Variants in POLE2 observed in about 807,000 individuals in gnomAD.
POLE2 encodes DNA polymerase epsilon 2, accessory subunit.
A neutral mutation model predicts 79.4 loss-of-function variants in POLE2; 56 were observed. The ratio of observed to expected loss-of-function variants is 0.71; its 90% CI spans 0.57 to 0.88. The LOEUF is 0.88. Ranked by LOEUF, POLE2 falls within the 40% of genes least tolerant of loss-of-function variation. The probability of loss-of-function intolerance (pLI) is 0.00; values close to 1 mark genes in which losing one functional copy is unlikely to be tolerated. For missense variants in POLE2, 598 were observed against 638.9 expected (o/e 0.94, Z 0.69); for synonymous variants, 212 against 214.0 (o/e 0.99, Z 0.08).
At chr14:49,671,618 GAAA>G (rs71115391) in intron 5 of POLE2, among the ~76,000 whole-genome samples, 3 of 58,700 alleles carry the variant, frequency 5.1e-5, no homozygotes. Context: ...CTCTGCCTCA[GAAA>G]AAAAAAAAAA....
chr14:49,668,029 TG>T (rs1347306648), intron 6 of POLE2, among the ~76,000 whole-genome samples: 1 of 152,160 alleles, frequency 6.6e-6, no homozygotes, highest in Non-Finnish European at 1.5e-5. Context: ...CCCAGCACTT[TG>T]GGAGGCTGAG....
intron 8 of POLE2, 40 bp from the exon 9 acceptor site, chr14:49,664,714 AG>A (rs779226966): frequency 4.0e-6 from 5 of 1,262,360 alleles, no homozygotes; most frequent in Non-Finnish European, 5.8e-6. Context: ...TTCTTGAGGC[AG>A]TAATAAAGTC....
intron 7 of POLE2, among the ~76,000 whole-genome samples, chr14:49,665,713 T>C (rs553212658): frequency 2.0e-5 from 3 of 151,844 alleles, no homozygotes; most frequent in Admixed American, 1.3e-4. Flanking sequence ...CAAAAGTTTA[T>C]TTAACAAAAA....
Position 49,674,443 on chromosome 14 carries a change from C to CA in POLE2, c.246-17dup, listed in dbSNP as rs1237572182. ...AACGTGCTCTCTGAAAAACATCCCA[C>CA]AAAATACAGACCTGATTTACTAAAA... On this transcript the variant is annotated splice_polypyrimidine_tract_variant and intron_variant, in intron 3 of 18. Coordinates refer to ENST00000216367, the MANE Select transcript of POLE2 (RefSeq NM_002692.4). 6.6e-7 allele frequency: 1 copy of CA among 1,520,194 alleles called. No homozygotes were observed. The highest frequency in any genetic ancestry group is 9.1e-7 in the Non-Finnish European group (1 of 1,097,272). 94.2% of individuals were successfully genotyped at this position (1,520,194 alleles called of 1,614,324 possible). A position where few individuals can be genotyped will look rare whatever the true frequency, so the allele number is the denominator to read the frequency against.
At position 49,678,488 on chromosome 14, in the gene POLE2, T is replaced by A. The variant is rs1479082281; in HGVS notation, c.245+1237A>T. 3.3e-5 allele frequency among the ~76,000 whole-genome samples: 5 copies of A among 152,128 alleles called. No individual in the cohort carries two copies. In the East Asian group the frequency reaches 9.7e-4, roughly 29 times the overall value. On this transcript the variant is annotated intron_variant, in intron 3 of 18. Coordinates refer to ENST00000216367, the MANE Select transcript of POLE2 (RefSeq NM_002692.4). ...GCAAGAGAATGTATAAACAGAAGAA[T>A]AAAGTGAATGCAGATTGGTGTGGGG...
At chr14:49,664,482 T>C in intron 9 of POLE2, 144 bp downstream of exon 9, 1 of 632,322 alleles carries the variant, frequency 1.6e-6, no homozygotes, top group South Asian at 2.1e-5. Flanking sequence ...ATTAGCCCAT[T>C]AACAGTCTAA....
chr14:49,650,545 A>G (rs908320957), intron 16 of POLE2, 104 bp from the exon 17 acceptor site: 155 of 679,810 alleles, frequency 2.3e-4, no homozygotes, highest in Middle Eastern at 4.5e-4. Flanking sequence ...AAGGAACCAG[A>G]AAATTTGAGA....
Position 49,643,610 on chromosome 14 carries a change from G to C in POLE2, c.*42C>G, listed in dbSNP as rs745684208. On this transcript the variant is annotated 3_prime_UTR_variant, in exon 19 of 19. Transcript: ENST00000216367. ...AGAATCACATAAGATATAGAGTTAA[G>C]CAGAAAACTGATGAATTTTCTTCAG... 1 of 1,118,850 alleles carries C rather than the reference G, an allele frequency of 8.9e-7. No homozygotes were observed. Among genetic ancestry groups the C allele is most frequent in the South Asian group, 1.4e-5 (1 of 72,930 alleles). 69.3% of individuals were successfully genotyped at this position (1,118,850 alleles called of 1,614,324 possible). A position where few individuals can be genotyped will look rare whatever the true frequency, so the allele number is the denominator to read the frequency against.
Position 49,655,015 on chromosome 14 carries a change from T to C in POLE2, c.1008A>G (p.Gln336=). 1 of 1,569,644 alleles carries C rather than the reference T, an allele frequency of 6.4e-7. No homozygotes were observed. Residue 336 remains glutamine (Q), a synonymous_variant, in exon 12 of 19, where the codon CAA becomes CAG. Coordinates refer to ENST00000216367, the MANE Select transcript of POLE2 (RefSeq NM_002692.4). The stretch of plus-strand genomic sequence containing the variant: ...ATAGATCGTTAATACCTTTCAAAGC[T>C]TGAACTTGATTTTTTCCATATGGTG... ...SSAPYGKNQV[Q]ALKDSLKTLA... is the part of the protein sequence containing the mutation.
chr14:49,659,507 C>T (rs1884948532), intron 10 of POLE2, among the ~76,000 whole-genome samples: 1 of 151,924 alleles, frequency 6.6e-6, no homozygotes, highest in African/African-American at 2.4e-5. Context: ...CTGTTTATTA[C>T]AAAAAGAGTC....
intron 1 of POLE2, among the ~76,000 whole-genome samples, chr14:49,685,584 TC>T (rs1389311166): frequency 6.6e-6 from 1 of 152,048 alleles, no homozygotes; most frequent in African/African-American, 2.4e-5. Context: ...CTCCCACTCT[TC>T]TCTCCACCTA....
At chr14:49,659,378 T>TGAA (rs1240956399) in intron 10 of POLE2, among the ~76,000 whole-genome samples, 1 of 151,994 alleles carries the variant, frequency 6.6e-6, no homozygotes, top group African/African-American at 2.4e-5. Flanking sequence ...CATTCCAGCC[T>TGAA]GAAGAAGAGA....
At chr14:49,665,952 G>C (rs1885456953) in intron 7 of POLE2, among the ~76,000 whole-genome samples, 2 of 152,090 alleles carry the variant, frequency 1.3e-5, no homozygotes, top group South Asian at 4.1e-4. Flanking sequence ...TCAGCCTCCT[G>C]AGTAGCTGGG....
In POLE2 at chr14:49,685,918, C is replaced by T. The variant is rs1035187420; in HGVS notation, c.68+2218G>A. On this transcript the variant is annotated intron_variant, in intron 1 of 18. Transcript: ENST00000216367. Reference sequence around the variant, plus strand: ...CTGGGATTACAGGCGTGAGCCACTGCGCCCAGCCAAGTCCTGCTCATTCTT... The same window carrying T: ...CTGGGATTACAGGCGTGAGCCACTGTGCCCAGCCAAGTCCTGCTCATTCTT... Among the ~76,000 whole-genome samples, 41 of 152,238 alleles carry T rather than the reference C, an allele frequency of 2.7e-4. No individual in the cohort carries two copies. The East Asian group carries it at 3.3e-3, about 12-fold the overall frequency.
chr14:49,682,769 G>T (rs1310577409), intron 2 of POLE2, among the ~76,000 whole-genome samples: 2 of 147,924 alleles, frequency 1.4e-5, no homozygotes, highest in African/African-American at 5.0e-5. Context: ...AAAAGTTACT[G>T]TCTCTGCCCT....
In POLE2 at chr14:49,655,822, A is replaced by T; in HGVS notation, c.777T>A (p.Asn259Lys). The change falls in exon 11 of 19, where the codon AAT (asparagine) becomes AAA (lysine). Residue 259 changes from asparagine (N) to lysine (K), a missense_variant. Coordinates refer to ENST00000216367, the MANE Select transcript of POLE2 (RefSeq NM_002692.4). The part of the protein sequence containing the change: ...STTRAYYGNI[N>K]FFGGPSNTSV... ...ATGTATTAGAAGGACCTCCAAAAAA[A>T]TTAATATTTCCATAGTATGCCCTAG... The T allele has an allele frequency of 6.5e-7, 1 of 1,549,924 alleles. No homozygotes were observed.
chr14:49,656,957 GTGAAAATTAGCCGGGCATGGCAGCA>G (rs1884725773), intron 10 of POLE2, among the ~76,000 whole-genome samples: 2 of 151,962 alleles, frequency 1.3e-5, no homozygotes, highest in African/African-American at 4.8e-5. Context: ...TATTAAAAAT[GTGAAAATTAGCCGGGCATGGCAGCA>G]GGCACCTATA....
At chr14:49,680,184 T>C (rs1239530897) in intron 2 of POLE2, among the ~76,000 whole-genome samples, 2 of 152,040 alleles carry the variant, frequency 1.3e-5, no homozygotes, top group Admixed American at 6.6e-5. Context: ...ACCCCTTCTC[T>C]ACAAAAAATA....
chr14:49,669,921 T>A (rs1885753913), intron 5 of POLE2, among the ~76,000 whole-genome samples: 1 of 152,032 alleles, frequency 6.6e-6, no homozygotes, highest in East Asian at 1.9e-4. Context: ...CACAACAAAG[T>A]TCTGTGAGGG....
Sources: allele counts gnomAD v4.1 joint callset (sites outside exome capture counted in the v4.1 genomes callset), GRCh38; gene constraint gnomAD v4.1.1; transcripts MANE v1.5; gene names NCBI Gene and HGNC (gene_info 2026-07-23, HGNC 2026-07-21).